The following ARHGAP45 variants were observed in gnomAD, a reference collection of about 807,000 sequenced individuals.
ARHGAP45 encodes Rho GTPase activating protein 45.
In ARHGAP45, 56 loss-of-function variants were observed where a neutral mutation model predicts 116.1. The ratio of observed to expected loss-of-function variants is 0.48; its 90% CI spans 0.39 to 0.60. The LOEUF is 0.60. ARHGAP45 is among the 20% of genes least tolerant of loss of function. ARHGAP45 has a pLI of 0.00. For synonymous variants in ARHGAP45, 866 were observed against 701.7 expected (o/e 1.23, Z -3.70); for missense variants, 1,622 against 1,601.0 (o/e 1.01, Z -0.22).
At chr19:1,074,902 G>C in intron 10 of ARHGAP45, 23 bp downstream of exon 10, 2 of 1,462,086 alleles carry the variant, frequency 1.4e-6, no homozygotes, top group Non-Finnish European at 1.8e-6. Context: ...GGCGGGGGCG[G>C]GCGGGGGCGG....
At chr19:1,082,497 A>C in intron 19 of ARHGAP45, 3 of 364,322 alleles carry the variant, frequency 8.2e-6, no homozygotes, top group East Asian at 5.2e-5. Flanking sequence ...TGTCTGGGGA[A>C]GGGCGGAGCT....
At position 1,067,178 on chromosome 19, in the gene ARHGAP45, C is replaced by T; in HGVS notation, c.-228C>T. The T allele has an allele frequency of 1.5e-6, 2 of 1,295,948 alleles. No individual in the cohort carries two copies. Among genetic ancestry groups the T allele is most frequent in the Non-Finnish European group, 2.0e-6 (2 of 1,024,650 alleles). The allele number at this position is 1,295,948 out of a possible 1,614,324, so 80.3% of individuals were successfully genotyped here. ...TCACCTTCGCGCCCACTCCGCAGAG[C>T]CGCAGGCTGAGGCCGGGAAGGGTCG... On this transcript the variant is annotated 5_prime_UTR_variant, in exon 1 of 23. Transcript: ENST00000313093.
rs1050287692 is a variant in ARHGAP45, at chr19:1,071,967, C to A, written c.422-1182C>A. On this transcript the variant is annotated intron_variant, in intron 2 of 22. Coordinates refer to ENST00000313093, the MANE Select transcript of ARHGAP45 (RefSeq NM_012292.5). The surrounding 1 kb of genome is among the most constrained non-coding windows in gnomAD (Gnocchi z 4.6). ...GAATTCCGTGGGTTTGTTTCCACTA[C>A]GTGGTGTGTGCCTGGCTCTCGATGT... Among the ~76,000 whole-genome samples the A allele has an allele frequency of 6.6e-6, 1 of 152,122 alleles. No individual in the cohort carries two copies. The highest frequency in any genetic ancestry group is 1.9e-4 in the East Asian group (1 of 5,206).
At chr19:1,083,097 G>A (rs748847161) in intron 20 of ARHGAP45, 31 bp downstream of exon 20, 14 of 1,567,160 alleles carry the variant, frequency 8.9e-6, no homozygotes, top group South Asian at 5.8e-5. Flanking sequence ...TGGAGGGCGC[G>A]GGGTCCCGGG....
In ARHGAP45 at chr19:1,067,420, G is replaced by T. The variant is rs1414841631; in HGVS notation, c.15G>T (p.Lys5Asn). Reference protein sequence around the residue: MFSRKKRELMKTPSI... With the variant: MFSRNKRELMKTPSI... ...GGGGCCCCATCATGTTCTCCAGGAAGAAACGAGAGCTCATGAAAACCCCTT... is the reference window on the plus strand; with the variant it reads ...GGGGCCCCATCATGTTCTCCAGGAATAAACGAGAGCTCATGAAAACCCCTT... The change falls in exon 1 of 23, where the codon AAG becomes AAT. Residue 5 changes from lysine to asparagine, a missense_variant. Physicochemically the swap from Lys to Asn is moderately conservative, Grantham distance 94. Transcript: ENST00000313093. 6.3e-7 allele frequency: 1 copy of T among 1,597,648 alleles called. No homozygotes were observed. Among genetic ancestry groups the T allele is most frequent in the Non-Finnish European group, 8.5e-7 (1 of 1,172,854 alleles).
At chr19:1,066,208 G>T, upstream of ARHGAP45, 2 of 1,516,774 alleles carry the variant, frequency 1.3e-6, no homozygotes, top group South Asian at 1.2e-5. Flanking sequence ...TTGGGGTTTT[G>T]GGATTGGGGG....
In ARHGAP45 at chr19:1,071,409, G is replaced by A; in HGVS notation, c.422-1740G>A. On this transcript the variant is annotated intron_variant, in intron 2 of 22. Transcript: ENST00000313093. The surrounding 1 kb of genome is among the most constrained non-coding windows in gnomAD (Gnocchi z 4.6). Reference sequence around the variant, plus strand: ...GGTCCCGCCGCGTCCGGGAGCACGTGGCGCTCGGGCCGTTTGCCGCCCGCG... The same window carrying A: ...GGTCCCGCCGCGTCCGGGAGCACGTAGCGCTCGGGCCGTTTGCCGCCCGCG... The A allele has an allele frequency of 8.9e-7, 1 of 1,129,430 alleles. No individual in the cohort carries two copies. The highest frequency in any genetic ancestry group is 1.1e-6 in the Non-Finnish European group (1 of 921,794). 70.0% of individuals were successfully genotyped at this position (1,129,430 alleles called of 1,614,324 possible).
At position 1,083,124 on chromosome 19, in the gene ARHGAP45, G is replaced by T; in HGVS notation, c.2745-19G>T. Reference sequence around the variant, plus strand: ...GGTCCCGGGAGCCGCTCAGCACCTGGCCCCTGCCCACCCCGCAGGATCGTG... The same window carrying T: ...GGTCCCGGGAGCCGCTCAGCACCTGTCCCCTGCCCACCCCGCAGGATCGTG... On this transcript the variant is annotated intron_variant, in intron 20 of 22. Coordinates refer to ENST00000313093, the MANE Select transcript of ARHGAP45 (RefSeq NM_012292.5). 1.3e-6 allele frequency: 2 copies of T among 1,594,972 alleles called. No individual in the cohort carries two copies. Among genetic ancestry groups the T allele is most frequent in the Non-Finnish European group, 8.5e-7 (1 of 1,173,848 alleles).
At position 1,085,793 on chromosome 19, in the gene ARHGAP45, G is replaced by A; in HGVS notation, c.3198G>A (p.Val1066=). 1.2e-6 allele frequency: 2 copies of A among 1,612,828 alleles called. No individual in the cohort carries two copies. The highest frequency in any genetic ancestry group is 1.7e-6 in the Non-Finnish European group (2 of 1,179,906). ...AGCAGAGCGAGGCCAGCCTAGAGGT[G>A]GCTTCTGGCAGCCACAGCGGCAGTG... The part of the protein sequence containing the change: ...EQQQSEASLE[V]ASGSHSGSEE... Residue 1066 remains valine (V), a synonymous_variant, in exon 23 of 23, where the codon GTG becomes GTA. Transcript: ENST00000313093.
At chr19:1,083,387 C>T in intron 21 of ARHGAP45, 34 bp downstream of exon 21, 2 of 1,518,086 alleles carry the variant, frequency 1.3e-6, no homozygotes, top group Non-Finnish European at 1.8e-6. Flanking sequence ...GCTGGCCACT[C>T]GGGGCTTGGG....
intron 10 of ARHGAP45, 139 bp from the exon 11 acceptor site, chr19:1,077,718 G>A (rs1220694337): frequency 6.6e-7 from 1 of 1,510,714 alleles, no homozygotes; most frequent in East Asian, 2.5e-5. Flanking sequence ...CGATTGTTGT[G>A]CAGGGTCCTC....
rs2145072258 is a variant in ARHGAP45 at position 1,081,030 on chromosome 19, G to A, written c.2156G>A (p.Ser719Asn). 1.2e-6 allele frequency: 2 copies of A among 1,609,326 alleles called. No homozygotes were observed. The highest frequency in any genetic ancestry group is 1.7e-6 in the Non-Finnish European group (2 of 1,178,698). The change falls in exon 17 of 23, where the codon AGC (serine) becomes AAC (asparagine). Residue 719 changes from serine (S) to asparagine (N), a missense_variant. Physicochemically the swap from Ser to Asn is conservative, Grantham distance 46. Around this residue, in one of 3 missense-constraint regions of ARHGAP45, gnomAD observed 1,334 missense variants for 1,263.8 expected, o/e 1.06. Transcript: ENST00000313093. ...CCCGCCAAGTGCCGCGAGTGCAACA[G>A]CTACGTCTACTTCCAGGGTGCTGAG... Reference protein sequence around the residue: ...RTPAKCRECNSYVYFQGAECE... With the variant: ...RTPAKCRECNNYVYFQGAECE...
chr19:1,066,181 T>G, upstream of ARHGAP45: 1 of 1,532,856 alleles, frequency 6.5e-7, no homozygotes, highest in South Asian at 1.2e-5. Flanking sequence ...GGAATGGGGT[T>G]TGGGAAAGGA....
Position 1,081,606 on chromosome 19 carries a change from C to T in ARHGAP45, c.2247C>T (p.His749=). The T allele has an allele frequency of 1.9e-6, 3 of 1,551,872 alleles. No homozygotes were observed. The highest frequency in any genetic ancestry group is 2.6e-6 in the Non-Finnish European group (3 of 1,147,844). ...AGACGCTGGCCATACAGTGCGGGCA[C>T]AAGAAGCTGCAAGGCCGCCTGCAGC... ...CLETLAIQCG[H]KKLQGRLQLF... Residue 749 remains histidine, a synonymous_variant, in exon 18 of 23, where the codon CAC becomes CAT. Coordinates refer to ENST00000313093, the MANE Select transcript of ARHGAP45 (RefSeq NM_012292.5).
intron 10 of ARHGAP45, 177 bp from the exon 11 acceptor site, chr19:1,077,680 C>CCGGCCCCGATTACAGGCGCT: frequency 6.8e-7 from 1 of 1,465,568 alleles, no homozygotes; most frequent in Non-Finnish European, 9.1e-7. Context: ...GCCACCGCGC[C>CCGGCCCCGATTACAGGCGCT]CGGCCACTCC....
rs1394411810 is a variant in ARHGAP45, at chr19:1,081,820, G to T, written c.2380-4G>T. The T allele has an allele frequency of 4.4e-6, 7 of 1,604,156 alleles. No homozygotes were observed. The South Asian group carries it at 5.6e-5, about 13-fold the overall frequency. On this transcript the variant is annotated splice_polypyrimidine_tract_variant and splice_region_variant and intron_variant, in intron 18 of 22. Coordinates refer to ENST00000313093, the MANE Select transcript of ARHGAP45 (RefSeq NM_012292.5). ...TGGGCCTCCCCACCCCCGGGCTCCC[G>T]CAGGGCATCTACCGGGTCAATGGGG...
chr19:1,085,815 A>G lies in ARHGAP45; in HGVS notation c.3220A>G (p.Ser1074Gly). 6.2e-7 allele frequency: 1 copy of G among 1,612,782 alleles called. No individual in the cohort carries two copies. The highest frequency in any genetic ancestry group is 8.5e-7 in the Non-Finnish European group (1 of 1,179,888). ...GGTGGCTTCTGGCAGCCACAGCGGC[A>G]GTGAGGAGCAGCTGGAGGCCACAGC... ...LEVASGSHSG[S>G]EEQLEATARE... The change falls in exon 23 of 23, where the codon AGT becomes GGT. Residue 1074 changes from serine to glycine, a missense_variant. By Grantham distance (56) the Ser-to-Gly change is moderately conservative. This residue lies in a region of ARHGAP45 where 1,334 missense variants were observed against 1,263.8 expected (regional missense o/e 1.06). Coordinates refer to ENST00000313093, the MANE Select transcript of ARHGAP45 (RefSeq NM_012292.5).
rs989347557 is a variant in ARHGAP45 at position 1,081,149 on chromosome 19, A to G, written c.2190+85A>G. ...ACCGCCGGCCTGTGTGCCCTCAGGA[A>G]TGTCCGGCCCAGAGCAGGGAGCAGT... On this transcript the variant is annotated intron_variant, in intron 17 of 22. Coordinates refer to ENST00000313093, the MANE Select transcript of ARHGAP45 (RefSeq NM_012292.5). 2.0e-5 allele frequency: 29 copies of G among 1,428,062 alleles called. No individual in the cohort carries two copies. The Admixed American group carries it at 5.9e-4, about 29-fold the overall frequency. The allele number at this position is 1,428,062 out of a possible 1,614,324, so 88.5% of individuals were successfully genotyped here. A position where few individuals can be genotyped will look rare whatever the true frequency, so the allele number is the denominator to read the frequency against.
At chr19:1,079,194 A>G (rs1468350414) in intron 11 of ARHGAP45, among the ~76,000 whole-genome samples, 4 of 148,642 alleles carry the variant, frequency 2.7e-5, no homozygotes, top group Admixed American at 1.3e-4. Flanking sequence ...AAAAAAAAAA[A>G]TTCTTTATAA....
Sources: gnomAD v4.1 joint callset for allele counts (sites outside exome capture counted in the v4.1 genomes callset) on GRCh38, gnomAD v4.1.1 for gene constraint, gnomAD v4.1.1 regional missense constraint, Gnocchi (gnomAD v3.1) non-coding constraint, MANE v1.5 for transcripts, NCBI Gene and HGNC (gene_info 2026-07-23, HGNC 2026-07-21) for gene names.